CLIC4: variants seen among roughly 807,000 people sequenced by gnomAD.
The protein encoded by CLIC4 is CLIC family member 4, also known as chloride intracellular channel protein 4.
Under a neutral mutation model 24.6 loss-of-function variants are expected in CLIC4, and 13 were observed. That is an observed-to-expected ratio of 0.53 (90% confidence interval 0.34 to 0.84). The LOEUF is 0.84. Among genes scored for constraint, CLIC4 ranks in the 40% least tolerant of loss-of-function variants. The probability of loss-of-function intolerance (pLI) is 0.01; values close to 1 mark genes in which losing one functional copy is unlikely to be tolerated. For synonymous variants in CLIC4, 104 were observed against 111.3 expected, an observed-to-expected ratio of 0.93 and a Z score of 0.41; for missense variants, 227 against 301.7, an observed-to-expected ratio of 0.75 and a Z score of 1.83.
chr1:24,797,700 A>G, intron 1 of CLIC4, 42 bp from the exon 2 acceptor site: 1 of 1,396,298 alleles, frequency 7.2e-7, no homozygotes. Context: ...GTTGAGTATC[A>G]TCACTTTGAC....
chr1:24,749,763 G>C (rs1022405077), intron 1 of CLIC4, among the ~76,000 whole-genome samples: 1 of 152,078 alleles, frequency 6.6e-6, no homozygotes, highest in African/African-American at 2.4e-5. Flanking sequence ...TTCTAGACCA[G>C]CCTGGGCAAC....
intron 1 of CLIC4, among the ~76,000 whole-genome samples, chr1:24,779,385 G>A (rs1009645607): frequency 6.6e-6 from 1 of 152,118 alleles, no homozygotes; most frequent in Non-Finnish European, 1.5e-5. Context: ...TGGGAGGATC[G>A]CTTGAACCCA....
chr1:24,816,246 T>TC (rs1046275467), intron 3 of CLIC4, among the ~76,000 whole-genome samples: 1 of 146,888 alleles, frequency 6.8e-6, no homozygotes, highest in Non-Finnish European at 1.5e-5. Flanking sequence ...TTTTTTTTTT[T>TC]TTTTTTTTTT....
chr1:24,827,725 G>A (rs1167812817), intron 4 of CLIC4, among the ~76,000 whole-genome samples: 1 of 152,028 alleles, frequency 6.6e-6, no homozygotes, highest in Non-Finnish European at 1.5e-5. Flanking sequence ...AGTTGTTTAG[G>A]TAGTACAGAT....
intron 1 of CLIC4, among the ~76,000 whole-genome samples, chr1:24,786,054 G>T (rs926409632): frequency 6.6e-6 from 1 of 152,020 alleles, no homozygotes; most frequent in East Asian, 1.9e-4. Flanking sequence ...AAGTTTTAAA[G>T]TTCATTCTTT....
At chr1:24,839,421 TC>T (rs1410023099) in intron 4 of CLIC4, among the ~76,000 whole-genome samples, 2 of 152,172 alleles carry the variant, frequency 1.3e-5, no homozygotes, top group African/African-American at 4.8e-5. Flanking sequence ...TGCCTCAGCC[TC>T]CCGAGTAGCT....
intron 1 of CLIC4, among the ~76,000 whole-genome samples, chr1:24,761,514 CAG>C (rs1319880772): frequency 2.6e-5 from 4 of 152,236 alleles, no homozygotes; most frequent in East Asian, 1.9e-4. Flanking sequence ...GACTGGAAAA[CAG>C]AGAACAAAAG....
chr1:24,821,525 T>A (rs72654701), intron 3 of CLIC4, among the ~76,000 whole-genome samples: 2,361 of 152,206 alleles, frequency 0.016, 21 homozygotes, highest in Non-Finnish European at 0.025. Flanking sequence ...AATTTTTACT[T>A]CTTCTTTGTT....
intron 1 of CLIC4, among the ~76,000 whole-genome samples, chr1:24,747,308 G>A (rs908135657): frequency 1.3e-5 from 2 of 151,772 alleles, no homozygotes; most frequent in African/African-American, 4.8e-5. Flanking sequence ...GGCTGAGGTG[G>A]GCAGATCACG....
Position 24,745,561 on chromosome 1 carries a change from T to G in CLIC4, c.8T>G (p.Leu3Trp), listed in dbSNP as rs1272411556. The G allele has an allele frequency of 1.3e-6, 2 of 1,591,274 alleles. No homozygotes were observed. Among genetic ancestry groups the G allele is most frequent in the African/African-American group, 2.7e-5 (2 of 73,088 alleles). The change falls in exon 1 of 6, where the codon TTG becomes TGG. Residue 3 changes from leucine (L) to tryptophan (W), a missense_variant. By Grantham distance (61) the Leu-to-Trp change is moderately conservative. Coordinates refer to ENST00000374379, the MANE Select transcript of CLIC4 (RefSeq NM_013943.3). ...AGCGCAGCCGAGCCGGCCATGGCGT[T>G]GTCGATGCCGCTGAATGGGCTGAAG... MA[L>W]SMPLNGLKEE...
At chr1:24,791,470 T>C (rs1157478864) in intron 1 of CLIC4, among the ~76,000 whole-genome samples, 2 of 152,218 alleles carry the variant, frequency 1.3e-5, no homozygotes, top group Non-Finnish European at 2.9e-5. Context: ...CCAGGCCCAG[T>C]GGCTCACACC....
chr1:24,800,368 C>T (rs1329603264), intron 2 of CLIC4, among the ~76,000 whole-genome samples: 1 of 144,818 alleles, frequency 6.9e-6, no homozygotes, highest in Non-Finnish European at 1.5e-5. Flanking sequence ...CCCACCCGGC[C>T]AGCCGCCCCG....
chr1:24,778,724 C>G (rs1424611336), intron 1 of CLIC4, among the ~76,000 whole-genome samples: 2 of 152,186 alleles, frequency 1.3e-5, no homozygotes, highest in East Asian at 3.8e-4. Flanking sequence ...TCCTTTTAGG[C>G]TTTTGATAAG....
At position 24,767,680 on chromosome 1, in the gene CLIC4, C is replaced by A. The variant is rs755810525; in HGVS notation, c.72+22055C>A. 6.2e-4 allele frequency among the ~76,000 whole-genome samples: 94 copies of A among 152,050 alleles called. 1 individual carries two copies. The highest frequency in any genetic ancestry group is 1.5e-4 in the Non-Finnish European group (10 of 68,006). On this transcript the variant is annotated intron_variant, in intron 1 of 5. Coordinates refer to ENST00000374379, the MANE Select transcript of CLIC4 (RefSeq NM_013943.3). ...TCAGCAGCTCTTGCTGGACTTGTAG[C>A]TAAAGCTTGAGAGTCCATTAGTAGT...
At chr1:24,772,431 T>A (rs1382099031) in intron 1 of CLIC4, among the ~76,000 whole-genome samples, 1 of 152,216 alleles carries the variant, frequency 6.6e-6, no homozygotes, top group Non-Finnish European at 1.5e-5. Context: ...GAATATTAAC[T>A]TTCACAGCTG....
chr1:24,767,874 C>T (rs748654498), intron 1 of CLIC4, among the ~76,000 whole-genome samples: 10 of 151,264 alleles, frequency 6.6e-5, no homozygotes, highest in Non-Finnish European at 1.0e-4. Context: ...CATGGAGTTC[C>T]GCTCTGTCGC....
chr1:24,783,603 T>G (rs1233824602), intron 1 of CLIC4, among the ~76,000 whole-genome samples: 1 of 152,140 alleles, frequency 6.6e-6, no homozygotes, highest in African/African-American at 2.4e-5. Flanking sequence ...CTTGGGAGGC[T>G]GAGGCAGGAG....
intron 1 of CLIC4, among the ~76,000 whole-genome samples, chr1:24,782,197 A>G (rs1410795597): frequency 6.6e-6 from 1 of 152,218 alleles, no homozygotes; most frequent in Admixed American, 6.5e-5. Context: ...ACTAACTCAG[A>G]GGAGGAACCA....
chr1:24,777,843 T>A (rs1466954561), intron 1 of CLIC4: 2 of 152,214 alleles, frequency 1.3e-5, no homozygotes, highest in Admixed American at 6.5e-5. Context: ...AATAAAAAAA[T>A]TTAATCACAC....
Sources: gnomAD v4.1 joint callset for allele counts (sites outside exome capture counted in the v4.1 genomes callset) on GRCh38, gnomAD v4.1.1 for gene constraint, MANE v1.5 for transcripts, NCBI Gene and HGNC (gene_info 2026-07-23, HGNC 2026-07-21) for gene names.